The following CACNA1I variants were observed in gnomAD, a reference collection of about 807,000 sequenced individuals.
CACNA1I encodes calcium voltage-gated channel subunit alpha1 I, also known as voltage-dependent T-type calcium channel subunit alpha-1I.
In CACNA1I, 74 loss-of-function variants were observed where a neutral mutation model predicts 201.6. The observed-to-expected ratio is 0.37, with a 90% CI of 0.30 to 0.45. CACNA1I has a LOEUF of 0.45. CACNA1I is among the 20% of genes least tolerant of loss of function. The pLI is 1.00. For missense variants in CACNA1I, 2,346 were observed against 3,138.1 expected (o/e 0.75, Z 6.03); for synonymous variants, 1,431 against 1,345.2 (o/e 1.06, Z -1.40).
intron 1 of CACNA1I, among the ~76,000 whole-genome samples, chr22:39,592,058 C>T (rs527605243): frequency 5.3e-5 from 8 of 152,254 alleles, no homozygotes; most frequent in African/African-American, 1.4e-4. Flanking sequence ...GGTGCGGGGA[C>T]GTGGGTAGGA....
intron 3 of CACNA1I, among the ~76,000 whole-genome samples, chr22:39,618,604 G>T (rs1933633617): frequency 6.6e-6 from 1 of 152,022 alleles, no homozygotes; most frequent in Admixed American, 6.6e-5. Flanking sequence ...GGACAGGTTT[G>T]TGCAGCATGT....
chr22:39,611,076 G>A (rs550496969), intron 3 of CACNA1I, among the ~76,000 whole-genome samples: 45 of 152,272 alleles, frequency 3.0e-4, no homozygotes, highest in African/African-American at 1.1e-3. Flanking sequence ...GGAAAGGGAT[G>A]CTGGACAGGG....
chr22:39,608,047 G>A (rs1342027016), intron 3 of CACNA1I, among the ~76,000 whole-genome samples: 6 of 151,482 alleles, frequency 4.0e-5, no homozygotes, highest in East Asian at 1.9e-4. Context: ...CCCAGGAGGC[G>A]GAGGTTGCCA....
chr22:39,678,210 A>C, intron 31 of CACNA1I, 102 bp downstream of exon 31: 2 of 1,341,986 alleles, frequency 1.5e-6, no homozygotes, highest in African/African-American at 1.4e-5. Context: ...GCCCCACCAC[A>C]CATGGGAGGG....
intron 7 of CACNA1I, among the ~76,000 whole-genome samples, chr22:39,644,184 G>A (rs1209785803): frequency 6.6e-6 from 1 of 152,206 alleles, no homozygotes; most frequent in East Asian, 1.9e-4. Flanking sequence ...TGCAGTGTGG[G>A]AGCCACAAGC....
chr22:39,600,537 C>T lies in CACNA1I; in HGVS notation c.366C>T (p.Ile122=). The part of the protein sequence containing the change: ...CKILQVFDDF[I]FIFFAMEMVL... ...CCCTGCAGGTCTTTGATGACTTCAT[C>T]TTTATCTTCTTTGCCATGGAGATGG... Residue 122 remains isoleucine (I), a synonymous_variant, in exon 3 of 37, where the codon ATC becomes ATT. Coordinates refer to ENST00000402142, the MANE Select transcript of CACNA1I (RefSeq NM_021096.4). 2 of 1,612,134 alleles carry T rather than the reference C, an allele frequency of 1.2e-6. No individual in the cohort carries two copies. The highest frequency in any genetic ancestry group is 1.3e-5 in the African/African-American group (1 of 74,984).
chr22:39,678,201 C>A, intron 31 of CACNA1I, 93 bp downstream of exon 31: 1 of 1,428,204 alleles, frequency 7.0e-7, no homozygotes. Flanking sequence ...CCACCCAGGG[C>A]CCCACCACAC....
At chr22:39,642,461 G>A (rs1311902183) in intron 6 of CACNA1I, among the ~76,000 whole-genome samples, 1 of 152,210 alleles carries the variant, frequency 6.6e-6, no homozygotes, top group East Asian at 1.9e-4. Context: ...GAGACTCAAA[G>A]AGGGTGGGTG....
chr22:39,614,637 C>T (rs1933478246), intron 3 of CACNA1I, among the ~76,000 whole-genome samples: 1 of 152,228 alleles, frequency 6.6e-6, no homozygotes, highest in African/African-American at 2.4e-5. Context: ...ACCATGGTGG[C>T]CCAGCTGGGG....
rs553452821 is a variant in CACNA1I at position 39,648,874 on chromosome 22, C to T, written c.1568-627C>T. 6.6e-6 allele frequency among the ~76,000 whole-genome samples: 1 copy of T among 152,188 alleles called. No individual in the cohort carries two copies. The highest frequency in any genetic ancestry group is 1.9e-4 in the East Asian group (1 of 5,150). Reference sequence around the variant, plus strand: ...CGGGGCAGCAAAGGGATGAAGTTCCCTCTTCCCAGGGGCCCTTCCTGCCCG... The same window carrying T: ...CGGGGCAGCAAAGGGATGAAGTTCCTTCTTCCCAGGGGCCCTTCCTGCCCG... On this transcript the variant is annotated intron_variant, in intron 9 of 36. Coordinates refer to ENST00000402142, the MANE Select transcript of CACNA1I (RefSeq NM_021096.4). This position sits in a 1 kb window ranked among gnomAD's most constrained non-coding sequence, Gnocchi z 5.4.
At chr22:39,620,271 C>CATA (rs1569065742) in intron 4 of CACNA1I, among the ~76,000 whole-genome samples, 8 of 44,264 alleles carry the variant, frequency 1.8e-4, no homozygotes, top group African/African-American at 5.5e-4. Context: ...ATCCATCCAT[C>CATA]CATCCATACG....
chr22:39,679,998 C>T (rs1482189944), intron 33 of CACNA1I, 130 bp downstream of exon 33: 2 of 915,668 alleles, frequency 2.2e-6, no homozygotes, highest in Non-Finnish European at 3.2e-6. Flanking sequence ...GCACACGTAG[C>T]TTCCATGGCT....
Position 39,686,300 on chromosome 22 carries a change from C to T in CACNA1I, c.6567C>T (p.Pro2189=), listed in dbSNP as rs1400636149. 5 of 1,325,622 alleles carry T rather than the reference C, an allele frequency of 3.8e-6. No homozygotes were observed. In the African/African-American group the frequency reaches 4.6e-5, roughly 12 times the overall value. 82.1% of individuals were successfully genotyped at this position (1,325,622 alleles called of 1,614,324 possible). A position where few individuals can be genotyped will look rare whatever the true frequency, so the allele number is the denominator to read the frequency against. ...CCGCGGACCGCAGCAAGGACCCCCC[C>T]GGCCGGGCACCGCTGCCCATGGGCC... ...SWAADRSKDP[P]GRAPLPMGLG... is the part of the protein sequence containing the mutation. The change falls in exon 37 of 37, where the codon CCC becomes CCT. Residue 2189 remains proline (P), a synonymous_variant. Coordinates refer to ENST00000402142, the MANE Select transcript of CACNA1I (RefSeq NM_021096.4).
chr22:39,659,263 T>C lies in CACNA1I; in HGVS notation c.2330+147T>C. The stretch of plus-strand genomic sequence containing the variant: ...ACACTGTTCCTCAGTCCCCTGTGGC[T>C]TTCAGCAAGCATGAACCCCTAAGCC... On this transcript the variant is annotated intron_variant, in intron 12 of 36. Coordinates refer to ENST00000402142, the MANE Select transcript of CACNA1I (RefSeq NM_021096.4). The surrounding 1 kb of genome is among the most constrained non-coding windows in gnomAD (Gnocchi z 4.3). 9.0e-7 allele frequency: 1 copy of C among 1,107,820 alleles called. No individual in the cohort carries two copies. The highest frequency in any genetic ancestry group is 2.6e-5 in the East Asian group (1 of 38,760). 68.6% of individuals were successfully genotyped at this position (1,107,820 alleles called of 1,614,324 possible).
intron 3 of CACNA1I, among the ~76,000 whole-genome samples, chr22:39,611,803 C>T (rs1933394262): frequency 6.6e-6 from 1 of 152,100 alleles, no homozygotes; most frequent in East Asian, 1.9e-4. Flanking sequence ...CCAGAGCTGC[C>T]CTGGTTCCCA....
chr22:39,655,169 T>C (rs1934775149), intron 10 of CACNA1I, among the ~76,000 whole-genome samples: 1 of 152,122 alleles, frequency 6.6e-6, no homozygotes, highest in Admixed American at 6.5e-5. Flanking sequence ...AGATAATGCA[T>C]GGGGCGTGCT....
intron 3 of CACNA1I, among the ~76,000 whole-genome samples, chr22:39,611,688 G>C (rs992189717): frequency 2.6e-5 from 4 of 152,184 alleles, no homozygotes; most frequent in African/African-American, 9.7e-5. Context: ...TAACTGGGAA[G>C]CTTCTATTTA....
At position 39,570,914 on chromosome 22, in the gene CACNA1I, G is replaced by C; in HGVS notation, c.162G>C (p.Leu54=). 1 of 1,613,866 alleles carries C rather than the reference G, an allele frequency of 6.2e-7. No individual in the cohort carries two copies. Among genetic ancestry groups the C allele is most frequent in the Non-Finnish European group, 8.5e-7 (1 of 1,179,872 alleles). Residue 54 remains leucine (L), a synonymous_variant, in exon 1 of 37, where the codon CTG becomes CTC. Transcript: ENST00000402142. ...GADPHVPHPD[L]APIAFFCLRQ... ...ATCCTCATGTCCCACACCCAGACCT[G>C]GCGCCTATTGCCTTCTTCTGCCTGC...
chr22:39,686,411 G>A lies in CACNA1I; in HGVS notation c.*6G>A, dbSNP rs527638340. ...CCAGCAAGAGGAAGAGATGAGGGTCGCAGGGGCCCCCGGCCGCCCACCGCC... is the reference window on the plus strand; with the variant it reads ...CCAGCAAGAGGAAGAGATGAGGGTCACAGGGGCCCCCGGCCGCCCACCGCC... On this transcript the variant is annotated 3_prime_UTR_variant, in exon 37 of 37. Transcript: ENST00000402142. 1.1e-5 allele frequency: 14 copies of A among 1,238,322 alleles called. No homozygotes were observed. Among genetic ancestry groups the A allele is most frequent in the African/African-American group, 1.1e-4 (7 of 62,636 alleles). The allele number at this position is 1,238,322 out of a possible 1,614,324, so 76.7% of individuals were successfully genotyped here. A position where few individuals can be genotyped will look rare whatever the true frequency, so the allele number is the denominator to read the frequency against.
Sources: gnomAD v4.1 joint callset for allele counts (sites outside exome capture counted in the v4.1 genomes callset) on GRCh38, gnomAD v4.1.1 for gene constraint, Gnocchi (gnomAD v3.1) non-coding constraint, MANE v1.5 for transcripts, NCBI Gene and HGNC (gene_info 2026-07-23, HGNC 2026-07-21) for gene names.